FAM47E: variants seen among roughly 807,000 people sequenced by gnomAD.
The protein encoded by FAM47E is family with sequence similarity 47 member E.
In FAM47E, 32 loss-of-function variants were observed where a neutral mutation model predicts 41.6. The observed-to-expected ratio is 0.77, with a 90% CI of 0.58 to 1.03. The LOEUF (loss-of-function observed/expected upper bound fraction) is 1.03. Ranked by LOEUF, FAM47E falls within the 50% of genes least tolerant of loss-of-function variation. The pLI is 0.00. For missense variants in FAM47E, 424 were observed against 485.4 expected (o/e 0.87, Z 1.19); for synonymous variants, 184 against 188.7 (o/e 0.98, Z 0.20).
chr4:76,223,714 G>A lies in FAM47E; in HGVS notation c.81+6026G>A, dbSNP rs150159374. ...AAAGTGTGAGAAGCATAGCAGGTTA[G>A]TCCATAGTCCCTCAAGGCCCAGTCA... is the stretch of plus-strand genomic sequence containing the variant. On this transcript the variant is annotated intron_variant, in intron 2 of 7. Transcript: ENST00000510197. Among the ~76,000 whole-genome samples, 43 of 152,276 alleles carry A rather than the reference G, an allele frequency of 2.8e-4. No homozygotes were observed. In the East Asian group the frequency reaches 8.3e-3, roughly 29 times the overall value.
At chr4:76,255,284 A>T (rs1263088367) in intron 1 of FAM47E, among the ~76,000 whole-genome samples, 1 of 152,090 alleles carries the variant, frequency 6.6e-6, no homozygotes, top group Admixed American at 6.5e-5. Flanking sequence ...CTTTGTGCTC[A>T]ATTTTCTTAT....
intron 2 of FAM47E, among the ~76,000 whole-genome samples, chr4:76,232,539 C>T (rs939301779): frequency 9.2e-5 from 14 of 152,288 alleles, no homozygotes; most frequent in Non-Finnish European, 1.8e-4. Context: ...AATAAGTTAA[C>T]ATAACAACCT....
intron 2 of FAM47E, among the ~76,000 whole-genome samples, chr4:76,220,392 T>A (rs1006932276): frequency 1.6e-4 from 25 of 152,298 alleles, no homozygotes; most frequent in Middle Eastern, 3.4e-3. Flanking sequence ...TTTGGGAGAC[T>A]GAGGCAGGAG....
chr4:76,219,432 G>A (rs1437953732), intron 2 of FAM47E, among the ~76,000 whole-genome samples: 1 of 152,226 alleles, frequency 6.6e-6, no homozygotes, highest in Non-Finnish European at 1.5e-5. Flanking sequence ...CTTGGGTTGG[G>A]TTTAAACTCA....
upstream of FAM47E, among the ~76,000 whole-genome samples, chr4:76,249,427 A>C (rs1733902940): frequency 2.0e-5 from 3 of 152,208 alleles, no homozygotes; most frequent in South Asian, 6.2e-4. Flanking sequence ...GAAAATATAT[A>C]GAAAGCCATC....
intron 2 of FAM47E, among the ~76,000 whole-genome samples, chr4:76,235,418 G>A (rs1733570111): frequency 6.6e-6 from 1 of 152,074 alleles, no homozygotes; most frequent in Non-Finnish European, 1.5e-5. Context: ...ATTAAGGTGG[G>A]GATTAGAAGG....
chr4:76,235,387 A>G (rs900871026), intron 2 of FAM47E, among the ~76,000 whole-genome samples: 35 of 152,352 alleles, frequency 2.3e-4, no homozygotes, highest in Middle Eastern at 6.8e-3. Flanking sequence ...ATATAATTCT[A>G]AGCTACCTGT....
chr4:76,221,602 G>A (rs572089231), intron 2 of FAM47E, among the ~76,000 whole-genome samples: 2 of 152,232 alleles, frequency 1.3e-5, no homozygotes, highest in African/African-American at 4.8e-5. Context: ...TTACAGGCAT[G>A]AGCCACCGCA....
At position 76,214,224 on chromosome 4, in the gene FAM47E, G is replaced by T. The variant is rs551707426; in HGVS notation, c.-230G>T. 25 of 454,566 alleles carry T rather than the reference G, an allele frequency of 5.5e-5. No homozygotes were observed. In the East Asian group the frequency reaches 1.2e-3, roughly 21 times the overall value. The allele number at this position is 454,566 out of a possible 1,614,324, so 28.2% of individuals were successfully genotyped here. A position where few individuals can be genotyped will look rare whatever the true frequency, so the allele number is the denominator to read the frequency against. On this transcript the variant is annotated 5_prime_UTR_variant, in exon 1 of 8. Coordinates refer to the FAM47E transcript ENST00000510197. ...GCAAGTTAGCGGGGACACCGTTACC[G>T]CAATTACAACACAATGTAGCAAGTG...
chr4:76,226,266 G>T (rs747100242), intron 2 of FAM47E, among the ~76,000 whole-genome samples: 1 of 152,088 alleles, frequency 6.6e-6, no homozygotes, highest in Non-Finnish European at 1.5e-5. Flanking sequence ...TGGACATGGG[G>T]GTAAACAGGT....
intron 2 of FAM47E, among the ~76,000 whole-genome samples, chr4:76,244,525 G>C (rs1365017493): frequency 6.8e-6 from 1 of 147,882 alleles, no homozygotes; most frequent in East Asian, 2.0e-4. Flanking sequence ...TTGTTTGCAG[G>C]CATTCTTCTT....
exon 1 of FAM47E, chr4:76,214,278 C>T (rs769224839): frequency 2.2e-6 from 1 of 456,024 alleles, no homozygotes; most frequent in East Asian, 7.0e-5. Flanking sequence ...TGAGATCATG[C>T]CAGCAAGCAT....
chr4:76,283,246 ATG>A, intron 7 of FAM47E, 133 bp from the exon 8 acceptor site: 1 of 369,378 alleles, frequency 2.7e-6, no homozygotes, highest in Non-Finnish European at 5.3e-6. Context: ...GATTATTAAC[ATG>A]TGATTTTGCA....
chr4:76,262,421 C>T (rs1273619690), intron 2 of FAM47E, among the ~76,000 whole-genome samples: 1 of 151,846 alleles, frequency 6.6e-6, no homozygotes, highest in Non-Finnish European at 1.5e-5. Flanking sequence ...TTTTTTAGTG[C>T]CCCCCACACT....
intron 2 of FAM47E, among the ~76,000 whole-genome samples, chr4:76,238,223 A>G (rs1015860021): frequency 3.3e-5 from 5 of 152,236 alleles, no homozygotes; most frequent in Non-Finnish European, 7.3e-5. Context: ...CGGTTGACCC[A>G]GGTCAGGCTG....
intron 4 of FAM47E, chr4:76,269,496 A>G (rs28506049): frequency 0.2 from 30,766 of 152,014 alleles, 3,226 homozygotes; most frequent in Middle Eastern, 0.3. Flanking sequence ...GTGCACCTGT[A>G]ATCCCAGCTA....
At chr4:76,255,814 G>A (rs17001724) in intron 1 of FAM47E, among the ~76,000 whole-genome samples, 2,556 of 152,250 alleles carry the variant, frequency 0.017, 77 homozygotes, top group African/African-American at 0.058. Context: ...TGCCATTTAC[G>A]TAAATTAAGA....
chr4:76,217,730 G>A, intron 2 of FAM47E: 1 of 525,302 alleles, frequency 1.9e-6, no homozygotes, highest in East Asian at 3.1e-5. Flanking sequence ...CGGAAAATGA[G>A]GAGACTGATG....
At position 76,271,610 on chromosome 4, in the gene FAM47E, G is replaced by T; in HGVS notation, c.712G>T (p.Asp238Tyr). 1 of 1,552,162 alleles carries T rather than the reference G, an allele frequency of 6.4e-7. No individual in the cohort carries two copies. Among genetic ancestry groups the T allele is most frequent in the Non-Finnish European group, 8.7e-7 (1 of 1,147,092 alleles). Residue 238 changes from aspartate (D) to tyrosine (Y), a missense_variant, in exon 5 of 8, where the codon GAC (aspartate) becomes TAC (tyrosine). Physicochemically the swap from Asp to Tyr is radical, Grantham distance 160. Transcript: ENST00000424749. ...IDEEFILKQF[D>Y]IDYETKPSHD... ...TGAAGAGTTCATCTTGAAACAGTTTGACATTGACTATGAGACCAAACCAAG... is the reference window on the plus strand; with the variant it reads ...TGAAGAGTTCATCTTGAAACAGTTTTACATTGACTATGAGACCAAACCAAG...
Sources: allele counts gnomAD v4.1 joint callset (sites outside exome capture counted in the v4.1 genomes callset), GRCh38; gene constraint gnomAD v4.1.1; transcripts MANE v1.5; gene names NCBI Gene and HGNC (gene_info 2026-07-23, HGNC 2026-07-21).